Variants in WDR17 observed in about 807,000 individuals in gnomAD.
WDR17 encodes WD repeat-containing protein 17.
WDR17 carries 143 observed loss-of-function variants against 161.7 expected under a neutral mutation model. The observed-to-expected ratio is 0.88, with a 90% confidence interval of 0.77 to 1.02. WDR17 has a LOEUF of 1.02. WDR17 is among the 50% of genes least tolerant of loss of function. The pLI is 0.00. For missense variants in WDR17, 1,469 were observed against 1,520.9 expected (o/e 0.97, Z 0.57); for synonymous variants, 517 against 515.6 (o/e 1.00, Z -0.04).
chr4:176,102,058 T>C (rs62339421), intron 1 of WDR17, among the ~76,000 whole-genome samples: 51,073 of 151,984 alleles, frequency 0.34, 9,135 homozygotes, highest in East Asian at 0.43. Context: ...ATTTTTACAA[T>C]ATCAAACAGA....
chr4:176,091,026 G>A (rs10007420), intron 1 of WDR17, among the ~76,000 whole-genome samples: 150,143 of 152,254 alleles, frequency 0.99, 74,059 homozygotes, highest in East Asian at 1. Context: ...ATTCTGGTAA[G>A]CCAACAACCT....
intron 10 of WDR17, among the ~76,000 whole-genome samples, chr4:176,141,206 G>T (rs192365902): frequency 1.3e-5 from 2 of 152,044 alleles, no homozygotes; most frequent in African/African-American, 4.8e-5. Flanking sequence ...GGGGATGGGG[G>T]ATCATCTCTG....
chr4:176,079,411 C>T (rs1734465839), intron 1 of WDR17, among the ~76,000 whole-genome samples: 1 of 152,076 alleles, frequency 6.6e-6, no homozygotes, highest in South Asian at 2.1e-4. Flanking sequence ...GAAATGTAAA[C>T]TAATAAGAAA....
intron 17 of WDR17, among the ~76,000 whole-genome samples, chr4:176,154,587 A>G (rs577037299): frequency 3.3e-5 from 5 of 152,330 alleles, no homozygotes; most frequent in East Asian, 1.9e-4. Context: ...ACATGTTTCT[A>G]TTGAAAGAGC....
chr4:176,139,179 A>AT (rs1744864609), intron 9 of WDR17, among the ~76,000 whole-genome samples: 1 of 152,054 alleles, frequency 6.6e-6, no homozygotes, highest in East Asian at 1.9e-4. Context: ...TCTTAATGGA[A>AT]TTTAAGTACT....
chr4:176,131,541 C>G lies in WDR17; in HGVS notation c.914-13C>G, dbSNP rs372649389. 8 of 1,563,382 alleles carry G rather than the reference C, an allele frequency of 5.1e-6. No individual in the cohort carries two copies. The Admixed American group carries it at 5.8e-5, about 11-fold the overall frequency. On this transcript the variant is annotated splice_polypyrimidine_tract_variant and intron_variant, in intron 6 of 28. Coordinates refer to ENST00000508596, the MANE Select transcript of WDR17 (RefSeq NM_181265.4). Reference sequence around the variant, plus strand: ...GTTTCATTCCAATAGGATTTTTTTTCTTCTATTTTTAGTTTCAGTCCAATC... The same window carrying G: ...GTTTCATTCCAATAGGATTTTTTTTGTTCTATTTTTAGTTTCAGTCCAATC...
chr4:176,117,244 GTTTTCTGGTCA>G (rs1443437823), intron 3 of WDR17, among the ~76,000 whole-genome samples: 1 of 151,956 alleles, frequency 6.6e-6, no homozygotes, highest in East Asian at 1.9e-4. Context: ...ATCTCCCCAT[GTTTTCTGGTCA>G]TATCTGTTTG....
intron 1 of WDR17, chr4:176,096,629 T>G (rs927902096): frequency 2.0e-6 from 3 of 1,508,310 alleles, no homozygotes; most frequent in Non-Finnish European, 2.7e-6. Flanking sequence ...GCGATTTTTT[T>G]TCTGCTTTGC....
chr4:176,072,222 G>A (rs1199606030), intron 1 of WDR17, among the ~76,000 whole-genome samples: 1 of 152,168 alleles, frequency 6.6e-6, no homozygotes, highest in Non-Finnish European at 1.5e-5. Context: ...GCATGTGAAA[G>A]GTAAACTAGA....
chr4:176,141,950 G>T, intron 10 of WDR17, 33 bp from the exon 11 acceptor site: 1 of 1,460,952 alleles, frequency 6.8e-7, no homozygotes, highest in Non-Finnish European at 9.4e-7. Context: ...TTAGAGTATT[G>T]TTTTTCTATT....
intron 23 of WDR17, among the ~76,000 whole-genome samples, chr4:176,171,685 T>C (rs1175569415): frequency 6.6e-6 from 1 of 152,154 alleles, no homozygotes; most frequent in Non-Finnish European, 1.5e-5. Flanking sequence ...GAATTTGATA[T>C]AAAAGGTAAC....
At position 176,129,668 on chromosome 4, in the gene WDR17, G is replaced by T. The variant is rs142894895; in HGVS notation, c.913+808G>T. The stretch of plus-strand genomic sequence containing the variant: ...ATCTTTATAATATACCAAGTAATTA[G>T]CAATGGCTATTCAAAGTAATGTTAT... On this transcript the variant is annotated intron_variant, in intron 6 of 28. Coordinates refer to ENST00000508596, the MANE Select transcript of WDR17 (RefSeq NM_181265.4). Among the ~76,000 whole-genome samples, 26 of 152,172 alleles carry T rather than the reference G, an allele frequency of 1.7e-4. No individual in the cohort carries two copies. In the East Asian group the frequency reaches 4.4e-3, roughly 26 times the overall value.
chr4:176,146,867 GA>G (rs1009368903), intron 12 of WDR17, among the ~76,000 whole-genome samples: 28 of 145,070 alleles, frequency 1.9e-4, no homozygotes, highest in East Asian at 3.9e-4. Context: ...AAGAAGAAAT[GA>G]AAAAAAAAAT....
chr4:176,095,320 G>C (rs1243980787), intron 1 of WDR17, among the ~76,000 whole-genome samples: 1 of 152,154 alleles, frequency 6.6e-6, no homozygotes. Context: ...GGAAGTCATC[G>C]AAATGTTAAC....
chr4:176,133,260 A>G (rs1377951098), intron 7 of WDR17, among the ~76,000 whole-genome samples: 3 of 37,740 alleles, frequency 7.9e-5, no homozygotes, highest in Non-Finnish European at 1.7e-4. Flanking sequence ...CCTCTCTCTA[A>G]AAAAAAAAAA....
intron 1 of WDR17, among the ~76,000 whole-genome samples, chr4:176,087,483 G>A (rs563755157): frequency 1.6e-4 from 25 of 152,084 alleles, no homozygotes; most frequent in Middle Eastern, 3.4e-3. Flanking sequence ...ATAAGGTATC[G>A]CTTTAACTTA....
intron 5 of WDR17, among the ~76,000 whole-genome samples, chr4:176,128,435 A>G (rs1245467963): frequency 6.6e-6 from 1 of 152,150 alleles, no homozygotes; most frequent in Non-Finnish European, 1.5e-5. Flanking sequence ...AGCATATGTC[A>G]ATAGGGTCTT....
At chr4:176,167,533 CT>C (rs1749974822) in intron 22 of WDR17, among the ~76,000 whole-genome samples, 1 of 148,292 alleles carries the variant, frequency 6.7e-6, no homozygotes, top group South Asian at 2.2e-4. Context: ...GTAGTCCCAG[CT>C]ACTCGGGAGG....
intron 1 of WDR17, among the ~76,000 whole-genome samples, chr4:176,085,428 C>A (rs1381682909): frequency 6.6e-6 from 1 of 151,982 alleles, no homozygotes; most frequent in Admixed American, 6.6e-5. Flanking sequence ...GCCAGTGAAA[C>A]GATCTGGGCC....
Sources: gnomAD v4.1 joint callset for allele counts (sites outside exome capture counted in the v4.1 genomes callset) on GRCh38, gnomAD v4.1.1 for gene constraint, MANE v1.5 for transcripts, NCBI Gene and HGNC (gene_info 2026-07-23, HGNC 2026-07-21) for gene names.